Variants in AK7 observed in about 807,000 individuals in gnomAD.
AK7 encodes the protein ATP-AMP transphosphorylase 7.
Under a neutral mutation model 96.6 loss-of-function variants are expected in AK7, and 78 were observed. The observed-to-expected ratio is 0.81, with a 90% CI of 0.67 to 0.97. The LOEUF (loss-of-function observed/expected upper bound fraction) is 0.97, where lower values mean the gene tolerates loss of function less well. Ranked by LOEUF, AK7 falls within the 50% of genes least tolerant of loss-of-function variation. The pLI, the probability that AK7 is intolerant of heterozygous loss-of-function variation, is 0.00. For missense variants in AK7, 855 were observed against 887.9 expected (o/e 0.96, Z 0.47); for synonymous variants, 302 against 317.2 (o/e 0.95, Z 0.51).
At chr14:96,403,216 T>A (rs1890520039) in intron 2 of AK7, among the ~76,000 whole-genome samples, 1 of 151,770 alleles carries the variant, frequency 6.6e-6, no homozygotes, top group Non-Finnish European at 1.5e-5. Flanking sequence ...AAAGGGGAAA[T>A]TTAGACACAG....
intron 2 of AK7, chr14:96,398,583 T>A: frequency 3.0e-6 from 1 of 329,700 alleles, no homozygotes; most frequent in South Asian, 3.3e-5. Context: ...ATGGGTGCCA[T>A]CTGTGAAGGA....
chr14:96,430,768 C>T (rs1323249365), intron 5 of AK7, among the ~76,000 whole-genome samples: 1 of 152,138 alleles, frequency 6.6e-6, no homozygotes, highest in African/African-American at 2.4e-5. Flanking sequence ...GCTTTGTTAT[C>T]AGGATGATGC....
chr14:96,415,890 G>C (rs183461364), intron 4 of AK7, among the ~76,000 whole-genome samples: 1 of 151,582 alleles, frequency 6.6e-6, no homozygotes, highest in African/African-American at 2.4e-5. Flanking sequence ...TTTTCCCTTA[G>C]AACCTGTTTG....
rs756514991 is a variant in AK7 at position 96,471,502 on chromosome 14, T to C, written c.1382T>C (p.Ile461Thr). 1 of 1,503,552 alleles carries C rather than the reference T, an allele frequency of 6.7e-7. No homozygotes were observed. The highest frequency in any genetic ancestry group is 9.2e-7 in the Non-Finnish European group (1 of 1,092,416). 93.1% of individuals were successfully genotyped at this position (1,503,552 alleles called of 1,614,324 possible). The change falls in exon 13 of 18, where the codon ATT becomes ACT. Residue 461 changes from isoleucine to threonine, a missense_variant. Ile to Thr is a moderately conservative substitution (Grantham distance 89). Transcript: ENST00000267584. Reference sequence around the variant, plus strand: ...GGTCAACTAGACGATCAATATATAATTAGATTTATGAAAGAAAAGCTAAAA... The same window carrying C: ...GGTCAACTAGACGATCAATATATAACTAGATTTATGAAAGAAAAGCTAAAA... Reference protein sequence around the residue: ...NAGQLDDQYIIRFMKEKLKSM... With the variant: ...NAGQLDDQYITRFMKEKLKSM...
At position 96,488,586 on chromosome 14, in the gene AK7, A is replaced by G. The variant is rs566114403; in HGVS notation, c.*243A>G. ...CTCATGAGACAAATACTGATTTAAT[A>G]TTTTATTCTTTAGTCAGATCTAAAT... On this transcript the variant is annotated 3_prime_UTR_variant, in exon 18 of 18. Transcript: ENST00000267584. The G allele has an allele frequency of 8.0e-4, 319 of 399,292 alleles. 1 individual carries two copies. Among genetic ancestry groups the G allele is most frequent in the Middle Eastern group, 7.2e-3 (10 of 1,394 alleles). The allele number at this position is 399,292 out of a possible 1,614,324, so 24.7% of individuals were successfully genotyped here. A position where few individuals can be genotyped will look rare whatever the true frequency, so the allele number is the denominator to read the frequency against.
chr14:96,429,286 A>G lies in AK7; in HGVS notation c.609+8354A>G, dbSNP rs561055717. ...CAGATGGTTGTAGATGTGTGGTGTTATTTCTGAGGCCTCTGTTCTGTTCCA... is the reference window on the plus strand; with the variant it reads ...CAGATGGTTGTAGATGTGTGGTGTTGTTTCTGAGGCCTCTGTTCTGTTCCA... On this transcript the variant is annotated intron_variant, in intron 5 of 17. Coordinates refer to ENST00000267584, the MANE Select transcript of AK7 (RefSeq NM_152327.5). 5.9e-5 allele frequency among the ~76,000 whole-genome samples: 9 copies of G among 152,072 alleles called. No homozygotes were observed. In the East Asian group the frequency reaches 1.7e-3, roughly 29 times the overall value.
chr14:96,447,222 C>T lies in AK7; in HGVS notation c.870+615C>T, dbSNP rs576112931. The stretch of plus-strand genomic sequence containing the variant: ...TGACACACCAGAATACGAAAATCCG[C>T]CAATAGGCACTTGCCCCAAAGTATT... On this transcript the variant is annotated intron_variant, in intron 8 of 17. Transcript: ENST00000267584. 1.3e-4 allele frequency among the ~76,000 whole-genome samples: 20 copies of T among 152,346 alleles called. 1 individual carries two copies. The South Asian group carries it at 4.1e-3, about 32-fold the overall frequency.
intron 4 of AK7, among the ~76,000 whole-genome samples, chr14:96,419,466 CA>C (rs1014272867): frequency 1.3e-5 from 2 of 151,848 alleles, no homozygotes; most frequent in South Asian, 4.2e-4. Context: ...TCTGTTTCTA[CA>C]AAAAAATAAA....
intron 14 of AK7, among the ~76,000 whole-genome samples, chr14:96,473,923 A>G (rs1435109758): frequency 6.6e-6 from 1 of 152,200 alleles, no homozygotes; most frequent in Non-Finnish European, 1.5e-5. Flanking sequence ...ATTCTATCAC[A>G]TATTTACACA....
chr14:96,398,773 G>A (rs1400735898), intron 2 of AK7: 1 of 164,902 alleles, frequency 6.1e-6, no homozygotes, highest in Non-Finnish European at 1.3e-5. Context: ...CACCACTCAG[G>A]AATAATATAC....
At chr14:96,481,637 C>T (rs186215633) in intron 15 of AK7, among the ~76,000 whole-genome samples, 1 of 151,702 alleles carries the variant, frequency 6.6e-6, no homozygotes, top group African/African-American at 2.4e-5. Flanking sequence ...TGAGCCACCA[C>T]ACCCAGTGAG....
intron 2 of AK7, among the ~76,000 whole-genome samples, chr14:96,403,725 A>G (rs1890545809): frequency 6.6e-6 from 1 of 152,214 alleles, no homozygotes; most frequent in South Asian, 2.1e-4. Context: ...GACAATGGGA[A>G]TAACAACTAA....
In AK7 at chr14:96,478,641, G is replaced by A. The variant is rs748584852; in HGVS notation, c.1732G>A (p.Glu578Lys). Reference sequence around the variant, plus strand: ...TGTCTTCAACTATTTTGATGAACTTGAAATTCACCCGATACATATTGGTAT... The same window carrying A: ...TGTCTTCAACTATTTTGATGAACTTAAAATTCACCCGATACATATTGGTAT... ...ETVFNYFDELEIHPIHIDVGK... is the reference protein window; with the variant it reads ...ETVFNYFDELKIHPIHIDVGK... Residue 578 changes from glutamate to lysine, a missense_variant, in exon 15 of 18, where the codon GAA becomes AAA. Physicochemically the swap from Glu to Lys is moderately conservative, Grantham distance 56. Transcript: ENST00000267584. 7 of 1,614,038 alleles carry A rather than the reference G, an allele frequency of 4.3e-6. No homozygotes were observed. Among genetic ancestry groups the A allele is most frequent in the Non-Finnish European group, 5.9e-6 (7 of 1,179,990 alleles).
intron 5 of AK7, chr14:96,424,214 C>T (rs987752986): frequency 4.0e-6 from 2 of 504,156 alleles, no homozygotes; most frequent in South Asian, 1.9e-5. Flanking sequence ...GGTTCACCCG[C>T]GTGGCGGGGC....
intron 11 of AK7, 27 bp from the exon 12 acceptor site, chr14:96,458,056 C>A (rs1894031189): frequency 6.2e-7 from 1 of 1,608,160 alleles, no homozygotes; most frequent in South Asian, 1.1e-5. Context: ...GGGCATCATC[C>A]AATGTGAATA....
At chr14:96,441,585 G>A (rs568600817) in intron 6 of AK7, among the ~76,000 whole-genome samples, 7 of 142,292 alleles carry the variant, frequency 4.9e-5, no homozygotes, top group African/African-American at 1.9e-4. Context: ...GTTGCAGTGA[G>A]CTGAGATCCT....
Position 96,472,694 on chromosome 14 carries a change from T to TGAG in AK7, c.1503_1505dup (p.Glu502dup). 1 of 1,612,670 alleles carries TGAG rather than the reference T, an allele frequency of 6.2e-7. No individual in the cohort carries two copies. The highest frequency in any genetic ancestry group is 1.1e-5 in the South Asian group (1 of 91,044). ...AATATTTTGTTTTCTTAGAGGAAGA[T>TGAG]GAGGAGGAGGAAGATGATGTCAGAG... On this transcript the variant is annotated inframe_insertion, in exon 14 of 18. Transcript: ENST00000267584.
intron 12 of AK7, among the ~76,000 whole-genome samples, chr14:96,462,891 A>G (rs927260735): frequency 6.6e-6 from 1 of 152,004 alleles, no homozygotes; most frequent in Non-Finnish European, 1.5e-5. Context: ...TAATCCCAGC[A>G]CTTTGGGAGG....
chr14:96,459,587 C>A (rs112247250), intron 12 of AK7, among the ~76,000 whole-genome samples: 1 of 152,004 alleles, frequency 6.6e-6, no homozygotes, highest in East Asian at 1.9e-4. Flanking sequence ...AGGCCGGGCA[C>A]GGTGGCTCAT....
Sources: allele counts gnomAD v4.1 joint callset (sites outside exome capture counted in the v4.1 genomes callset), GRCh38; gene constraint gnomAD v4.1.1; transcripts MANE v1.5; gene names NCBI Gene and HGNC (gene_info 2026-07-23, HGNC 2026-07-21).